The following GAB4 variants were observed in gnomAD, a reference collection of about 807,000 sequenced individuals.
GAB4 encodes GRB2-associated-binding protein 4.
Under a neutral mutation model 51.3 loss-of-function variants are expected in GAB4, and 26 were observed. That is an observed-to-expected ratio of 0.51 (90% CI 0.37 to 0.70). The LOEUF is 0.70. Ranked by LOEUF, GAB4 falls within the 30% of genes least tolerant of loss-of-function variation. GAB4 has a pLI of 0.00. For synonymous variants in GAB4, 329 were observed against 291.2 expected, an observed-to-expected ratio of 1.13 and a Z score of -1.32; for missense variants, 759 against 734.6, an observed-to-expected ratio of 1.03 and a Z score of -0.38.
intron 3 of GAB4, among the ~76,000 whole-genome samples, chr22:16,984,206 T>C (rs1310425273): frequency 6.6e-6 from 1 of 152,146 alleles, no homozygotes; most frequent in Non-Finnish European, 1.5e-5. Flanking sequence ...GAAAAAATTA[T>C]CAACATCACT....
rs1171687518 is a variant in GAB4, at chr22:16,963,819, G to A, written c.1487C>T (p.Ser496Phe). 10 of 1,613,662 alleles carry A rather than the reference G, an allele frequency of 6.2e-6. No homozygotes were observed. Among genetic ancestry groups the A allele is most frequent in the Non-Finnish European group, 7.6e-6 (9 of 1,179,868 alleles). ...GERYLFPNPA[S>F]AFPVSGGTSS... The stretch of plus-strand genomic sequence containing the variant: ...GGTGCCACCGGAAACAGGAAATGCA[G>A]ATGCCGGGTTCTGCTGTCACAAGGA... Residue 496 changes from serine (S) to phenylalanine (F), a missense_variant, in exon 9 of 10, where the codon TCT (serine) becomes TTT (phenylalanine). This residue lies in a region of GAB4 where 588 missense variants were observed against 510.2 expected (regional missense o/e 1.15). Transcript: ENST00000400588.
At chr22:16,991,297 C>A (rs1300166218) in intron 2 of GAB4, among the ~76,000 whole-genome samples, 10 of 148,046 alleles carry the variant, frequency 6.8e-5, no homozygotes, top group Non-Finnish European at 1.0e-4. Context: ...CAATTTAGAC[C>A]ATATATCTGC....
At chr22:17,002,537 C>T (rs1197668302) in intron 1 of GAB4, among the ~76,000 whole-genome samples, 1 of 151,200 alleles carries the variant, frequency 6.6e-6, no homozygotes, top group Non-Finnish European at 1.5e-5. Context: ...CACCAACAGG[C>T]AAAATAACCA....
At chr22:16,970,770 T>C (rs1396437325) in intron 3 of GAB4, among the ~76,000 whole-genome samples, 1 of 152,180 alleles carries the variant, frequency 6.6e-6, no homozygotes, top group African/African-American at 2.4e-5. Flanking sequence ...TATTCAGACA[T>C]AAGCAACAGA....
chr22:16,997,308 G>A (rs111862683), intron 1 of GAB4, among the ~76,000 whole-genome samples: 3,043 of 152,258 alleles, frequency 0.02, 123 homozygotes, highest in African/African-American at 0.069. Context: ...AGCACCTGTT[G>A]TTTCCTGACT....
intron 3 of GAB4, among the ~76,000 whole-genome samples, chr22:16,971,048 A>AG (rs1601253395): frequency 1.3e-5 from 2 of 151,800 alleles, no homozygotes; most frequent in Admixed American, 6.6e-5. Context: ...AAAAAAAAAA[A>AG]TTAGCCGGGC....
chr22:16,980,528 G>T (rs1435981878), intron 3 of GAB4, among the ~76,000 whole-genome samples: 1 of 152,208 alleles, frequency 6.6e-6, no homozygotes, highest in Non-Finnish European at 1.5e-5. Flanking sequence ...AGAGGATGTG[G>T]AGAAATAGGA....
chr22:16,972,988 G>A (rs1214835954), intron 3 of GAB4, among the ~76,000 whole-genome samples: 2 of 152,116 alleles, frequency 1.3e-5, no homozygotes, highest in East Asian at 1.9e-4. Context: ...TGTCCCCAGC[G>A]TGCTCCTCTC....
At chr22:16,988,220 A>T in intron 2 of GAB4, 53 bp from the exon 3 acceptor site, 1 of 1,198,592 alleles carries the variant, frequency 8.3e-7, no homozygotes, top group South Asian at 1.3e-5. Flanking sequence ...GGGCTGCTAG[A>T]GGCAGAAACA....
At chr22:16,965,349 T>A in intron 6 of GAB4, 81 bp from the exon 7 acceptor site, 1 of 1,095,430 alleles carries the variant, frequency 9.1e-7, no homozygotes, top group Non-Finnish European at 1.4e-6. Flanking sequence ...CCAGGTGTGC[T>A]TAGAAAGGCC....
intron 4 of GAB4, chr22:16,969,681 C>A: frequency 1.5e-6 from 1 of 649,686 alleles, no homozygotes; most frequent in Non-Finnish European, 2.7e-6. Flanking sequence ...AGCAACAGAC[C>A]ACCTGCTACT....
chr22:16,997,770 T>C (rs1255073342), intron 1 of GAB4, among the ~76,000 whole-genome samples: 2 of 152,264 alleles, frequency 1.3e-5, no homozygotes, highest in Admixed American at 6.5e-5. Flanking sequence ...AGGGTTTTTA[T>C]GGTTTTAGGT....
At chr22:16,980,038 A>T (rs2060814005) in intron 3 of GAB4, among the ~76,000 whole-genome samples, 1 of 152,238 alleles carries the variant, frequency 6.6e-6, no homozygotes, top group Admixed American at 6.5e-5. Context: ...TAAACGTAAG[A>T]CCTAAAACCA....
chr22:16,999,098 T>A, intron 1 of GAB4, among the ~76,000 whole-genome samples: 1 of 152,214 alleles, frequency 6.6e-6, no homozygotes, highest in East Asian at 1.9e-4. Context: ...GGTCTAAAAT[T>A]CTCTTTTTTT....
intron 3 of GAB4, among the ~76,000 whole-genome samples, chr22:16,971,676 C>T (rs1446205213): frequency 1.3e-5 from 2 of 152,212 alleles, no homozygotes; most frequent in Non-Finnish European, 2.9e-5. Context: ...CACACATGCA[C>T]ATTTGCATGC....
At position 16,980,910 on chromosome 22, in the gene GAB4, G is replaced by A. The variant is rs535047210; in HGVS notation, c.686+7050C>T. On this transcript the variant is annotated intron_variant, in intron 3 of 9. Transcript: ENST00000400588. ...TTGTCAGCAAACTTACCCTAGAACC[G>A]AAAACCAAACACCACATGTTCTCAC... Among the ~76,000 whole-genome samples the A allele has an allele frequency of 1.8e-4, 27 of 152,014 alleles. No homozygotes were observed. The East Asian group carries it at 2.9e-3, about 16-fold the overall frequency.
In GAB4 at chr22:16,966,136, G is replaced by T. The variant is rs1268188339; in HGVS notation, c.1252C>A (p.Pro418Thr). 1 of 1,614,064 alleles carries T rather than the reference G, an allele frequency of 6.2e-7. No homozygotes were observed. The highest frequency in any genetic ancestry group is 1.7e-5 in the Admixed American group (1 of 60,028). Residue 418 changes from proline to threonine, a missense_variant, in exon 6 of 10, where the codon CCC becomes ACC. Around this residue, in one of 3 missense-constraint regions of GAB4, gnomAD observed 588 missense variants for 510.2 expected, o/e 1.15. Coordinates refer to ENST00000400588, the MANE Select transcript of GAB4 (RefSeq NM_001037814.1). ...GGCTTGAGGCTGCGGTTGACAGGGG[G>T]CAGCTGGACCTCATGTCCCTGGCTG... ...DLSQGHEVQL[P>T]PVNRSLKPNQ... is the part of the protein sequence containing the mutation.
intron 1 of GAB4, among the ~76,000 whole-genome samples, chr22:17,004,506 G>T (rs1336237322): frequency 6.6e-6 from 1 of 152,192 alleles, no homozygotes; most frequent in African/African-American, 2.4e-5. Flanking sequence ...TTCCTGGGAT[G>T]CAAGGCTGGT....
intron 3 of GAB4, among the ~76,000 whole-genome samples, chr22:16,973,561 T>C (rs78308209): frequency 0.022 from 3,361 of 152,294 alleles, 59 homozygotes; most frequent in Middle Eastern, 0.068. Flanking sequence ...CCTGGGTGTA[T>C]ATGCCTCACC....
Sources: gnomAD v4.1 joint callset for allele counts (sites outside exome capture counted in the v4.1 genomes callset) on GRCh38, gnomAD v4.1.1 for gene constraint, gnomAD v4.1.1 regional missense constraint, MANE v1.5 for transcripts, NCBI Gene and HGNC (gene_info 2026-07-23, HGNC 2026-07-21) for gene names.